The following SLC41A1 variants were observed in gnomAD, a reference collection of about 807,000 sequenced individuals.
SLC41A1 encodes the protein solute carrier family 41 (magnesium transporter), member 1.
Under a neutral mutation model 47.3 loss-of-function variants are expected in SLC41A1, and 20 were observed. The observed-to-expected ratio is 0.42, with a 90% CI of 0.30 to 0.61. The LOEUF is 0.61. Among genes scored for constraint, SLC41A1 ranks in the 20% least tolerant of loss-of-function variants. The pLI, the probability that SLC41A1 is intolerant of heterozygous loss-of-function variation, is 0.17. For synonymous variants in SLC41A1, 282 were observed against 272.7 expected (o/e 1.03, Z -0.34); for missense variants, 504 against 674.1 (o/e 0.75, Z 2.79).
chr1:205,798,846 G>C, intron 5 of SLC41A1, 31 bp from the exon 6 acceptor site: 1 of 1,614,192 alleles, frequency 6.2e-7, no homozygotes, highest in Non-Finnish European at 8.5e-7. Flanking sequence ...GGGGCAGGCA[G>C]GGTGAGAAGA....
intron 9 of SLC41A1, 128 bp from the exon 10 acceptor site, chr1:205,795,146 C>T: frequency 1.4e-6 from 2 of 1,440,406 alleles, no homozygotes; most frequent in Non-Finnish European, 1.9e-6. Flanking sequence ...TCTACTTCTG[C>T]ATCCTGTGGT....
intron 8 of SLC41A1, chr1:205,795,723 A>G: frequency 1.7e-6 from 1 of 586,944 alleles, no homozygotes; most frequent in Non-Finnish European, 3.0e-6. Flanking sequence ...ATGGAGATGC[A>G]GCAGTTCCAT....
Position 205,799,578 on chromosome 1 carries a change from C to T in SLC41A1, c.552+181G>A, listed in dbSNP as rs567499586. On this transcript the variant is annotated intron_variant, in intron 4 of 10. Coordinates refer to ENST00000367137, the MANE Select transcript of SLC41A1 (RefSeq NM_173854.6). ...AGAACCAGAATGGGTGATGCTGGGC[C>T]CTCCTCATCTTGGGCGTTTTCCTGG... Among the ~76,000 whole-genome samples the T allele has an allele frequency of 1.1e-4, 16 of 152,212 alleles. No individual in the cohort carries two copies. The South Asian group carries it at 2.1e-3, about 20-fold the overall frequency.
chr1:205,798,748 T>C lies in SLC41A1; in HGVS notation c.765A>G (p.Thr255=), dbSNP rs772800874. 4 of 1,613,984 alleles carry C rather than the reference T, an allele frequency of 2.5e-6. No homozygotes were observed. Among genetic ancestry groups the C allele is most frequent in the Admixed American group, 1.7e-5 (1 of 60,004 alleles). Residue 255 remains threonine, a synonymous_variant, in exon 6 of 11, where the codon ACA becomes ACG. Coordinates refer to ENST00000367137, the MANE Select transcript of SLC41A1 (RefSeq NM_173854.6). Reference sequence around the variant, plus strand: ...GGTCGCCCAGGCTGGCAGCAATGGGTGTGGCCACGTTGTCTGGGTTGATCC... The same window carrying C: ...GGTCGCCCAGGCTGGCAGCAATGGGCGTGGCCACGTTGTCTGGGTTGATCC... ...KIGINPDNVA[T]PIAASLGDLI... is the part of the protein sequence containing the mutation.
intron 2 of SLC41A1, among the ~76,000 whole-genome samples, chr1:205,805,839 C>A (rs1656003579): frequency 6.6e-6 from 1 of 152,240 alleles, no homozygotes. Context: ...TTCACCTACT[C>A]CAATCCAAGC....
At chr1:205,809,195 C>G (rs554075160) in intron 2 of SLC41A1, among the ~76,000 whole-genome samples, 4 of 152,226 alleles carry the variant, frequency 2.6e-5, no homozygotes, top group Non-Finnish European at 5.9e-5. Flanking sequence ...GCCTAAAAAA[C>G]TTTTATCTAA....
intron 2 of SLC41A1, 117 bp downstream of exon 2, chr1:205,809,953 G>A: frequency 1.4e-6 from 2 of 1,441,498 alleles, no homozygotes; most frequent in Non-Finnish European, 1.9e-6. Context: ...AAGGAAAACA[G>A]TATTCTAGGA....
intron 1 of SLC41A1, among the ~76,000 whole-genome samples, chr1:205,812,063 T>C (rs1656169282): frequency 6.6e-6 from 1 of 152,196 alleles, no homozygotes; most frequent in Admixed American, 6.5e-5. Flanking sequence ...TTGCTCCAAA[T>C]GCATCTCTTT....
chr1:205,806,683 G>T (rs1294252037), intron 2 of SLC41A1, among the ~76,000 whole-genome samples: 1 of 152,122 alleles, frequency 6.6e-6, no homozygotes, highest in African/African-American at 2.4e-5. Context: ...TTTCAGCCAT[G>T]GTTGGGAAGT....
chr1:205,793,613 A>C (rs1304137684), intron 10 of SLC41A1, among the ~76,000 whole-genome samples: 1 of 152,218 alleles, frequency 6.6e-6, no homozygotes, highest in Non-Finnish European at 1.5e-5. Flanking sequence ...TCAATACAGG[A>C]CTGGCGAAAT....
intron 2 of SLC41A1, 189 bp from the exon 3 acceptor site, chr1:205,801,249 C>T (rs1172567526): frequency 1.2e-5 from 7 of 575,416 alleles, no homozygotes; most frequent in Non-Finnish European, 1.9e-5. Context: ...ACACAACCCC[C>T]CTTCCTGCCA....
chr1:205,796,243 C>T (rs1655747611), intron 8 of SLC41A1: 1 of 158,482 alleles, frequency 6.3e-6, no homozygotes, highest in Non-Finnish European at 1.4e-5. Context: ...ATGTTGGGGG[C>T]AAAGACAGAG....
chr1:205,809,686 C>T (rs977624806), intron 2 of SLC41A1, among the ~76,000 whole-genome samples: 3 of 152,094 alleles, frequency 2.0e-5, no homozygotes, highest in Non-Finnish European at 2.9e-5. Flanking sequence ...ATCCTTGAAA[C>T]CCCAAATGCA....
At chr1:205,806,914 C>G (rs987991462) in intron 2 of SLC41A1, among the ~76,000 whole-genome samples, 2 of 151,698 alleles carry the variant, frequency 1.3e-5, no homozygotes, top group South Asian at 4.2e-4. Context: ...AAAAAGAAAC[C>G]AAGTTTTCTA....
chr1:205,791,359 G>C lies in SLC41A1; in HGVS notation c.*174C>G, dbSNP rs939086940. ...GGCCATCTGTGTTTCCCAAATTCTTGCTATACAAACTTGGCTCAATGTATA... is the reference window on the plus strand; with the variant it reads ...GGCCATCTGTGTTTCCCAAATTCTTCCTATACAAACTTGGCTCAATGTATA... On this transcript the variant is annotated 3_prime_UTR_variant, in exon 11 of 11. Transcript: ENST00000367137. This position sits in a 1 kb window ranked among gnomAD's most constrained non-coding sequence, Gnocchi z 4.0. 1.3e-6 allele frequency: 1 copy of C among 775,850 alleles called. No individual in the cohort carries two copies. The highest frequency in any genetic ancestry group is 1.7e-5 in the African/African-American group (1 of 57,610). 48.1% of individuals were successfully genotyped at this position (775,850 alleles called of 1,614,324 possible). A position where few individuals can be genotyped will look rare whatever the true frequency, so the allele number is the denominator to read the frequency against.
intron 2 of SLC41A1, among the ~76,000 whole-genome samples, chr1:205,804,920 A>G (rs1448472558): frequency 6.6e-6 from 1 of 152,224 alleles, no homozygotes; most frequent in African/African-American, 2.4e-5. Context: ...GCTGTTTGTA[A>G]TGAATATTGC....
At position 205,791,997 on chromosome 1, in the gene SLC41A1, C is replaced by G. The variant is rs1430372667; in HGVS notation, c.1357-279G>C. Among the ~76,000 whole-genome samples the G allele has an allele frequency of 1.3e-5, 2 of 152,204 alleles. No individual in the cohort carries two copies. Among genetic ancestry groups the G allele is most frequent in the Non-Finnish European group, 2.9e-5 (2 of 68,030 alleles). On this transcript the variant is annotated intron_variant, in intron 10 of 10. Coordinates refer to ENST00000367137, the MANE Select transcript of SLC41A1 (RefSeq NM_173854.6). This position sits in a 1 kb window ranked among gnomAD's most constrained non-coding sequence, Gnocchi z 4.0. ...GCATTATATTCTGCTCCCAAGTTTA[C>G]CAAACAAGGAGCTTCCTGACCTAAA... is the stretch of plus-strand genomic sequence containing the variant.
At chr1:205,804,377 T>C (rs1655965661) in intron 2 of SLC41A1, among the ~76,000 whole-genome samples, 1 of 152,062 alleles carries the variant, frequency 6.6e-6, no homozygotes, top group African/African-American at 2.4e-5. Flanking sequence ...GGACTCTCCT[T>C]AGGGAAGCCC....
chr1:205,810,566 C>G lies in SLC41A1; in HGVS notation c.-125G>C. On this transcript the variant is annotated 5_prime_UTR_variant, in exon 2 of 11. Coordinates refer to ENST00000367137, the MANE Select transcript of SLC41A1 (RefSeq NM_173854.6). This position sits in a 1 kb window ranked among gnomAD's most constrained non-coding sequence, Gnocchi z 5.5. Reference sequence around the variant, plus strand: ...AGGCTTGGGCGCCGCAGGACCTCTTCCCACGGCTCTCCACTCCTACCAGGC... The same window carrying G: ...AGGCTTGGGCGCCGCAGGACCTCTTGCCACGGCTCTCCACTCCTACCAGGC... 6.8e-7 allele frequency: 1 copy of G among 1,465,980 alleles called. No homozygotes were observed. The highest frequency in any genetic ancestry group is 1.2e-5 in the South Asian group (1 of 84,860). The allele number at this position is 1,465,980 out of a possible 1,614,324, so 90.8% of individuals were successfully genotyped here. A position where few individuals can be genotyped will look rare whatever the true frequency, so the allele number is the denominator to read the frequency against.
Sources: gnomAD v4.1 joint callset for allele counts (sites outside exome capture counted in the v4.1 genomes callset) on GRCh38, gnomAD v4.1.1 for gene constraint, Gnocchi (gnomAD v3.1) non-coding constraint, MANE v1.5 for transcripts, NCBI Gene and HGNC (gene_info 2026-07-23, HGNC 2026-07-21) for gene names.